The following TIMELESS variants were observed in gnomAD, a reference collection of about 807,000 sequenced individuals.
TIMELESS encodes timeless circadian regulator, also known as protein timeless homolog.
TIMELESS carries 124 observed loss-of-function variants against 164.3 expected under a neutral mutation model. That is an observed-to-expected ratio of 0.75 (90% CI 0.65 to 0.88). TIMELESS has a LOEUF of 0.88. Among genes scored for constraint, TIMELESS ranks in the 40% least tolerant of loss-of-function variants. The pLI is 0.00. For synonymous variants in TIMELESS, 564 were observed against 563.4 expected (o/e 1.00, Z -0.02); for missense variants, 1,422 against 1,491.4 (o/e 0.95, Z 0.77).
rs956027481 is a variant in TIMELESS, at chr12:56,422,295, A to G, written c.2439-104T>C. 4.7e-6 allele frequency: 5 copies of G among 1,065,370 alleles called. No individual in the cohort carries two copies. The Admixed American group carries it at 1.0e-4, about 22-fold the overall frequency. 66.0% of individuals were successfully genotyped at this position (1,065,370 alleles called of 1,614,324 possible). Reference sequence around the variant, plus strand: ...CTGAAAAGAACAGGAAGGACAAGGCAGGTAACTGAAAGAGGCCAGCCAGCA... The same window carrying G: ...CTGAAAAGAACAGGAAGGACAAGGCGGGTAACTGAAAGAGGCCAGCCAGCA... On this transcript the variant is annotated intron_variant, in intron 19 of 28. Coordinates refer to ENST00000553532, the MANE Select transcript of TIMELESS (RefSeq NM_003920.5).
In TIMELESS at chr12:56,428,400, T is replaced by C. The variant is rs1881748307; in HGVS notation, c.1414A>G (p.Ile472Val). 7 of 1,607,164 alleles carry C rather than the reference T, an allele frequency of 4.4e-6. No homozygotes were observed. Among genetic ancestry groups the C allele is most frequent in the Non-Finnish European group, 6.0e-6 (7 of 1,174,972 alleles). The change falls in exon 13 of 29, where the codon ATT (isoleucine) becomes GTT (valine). Residue 472 changes from isoleucine (I) to valine (V), a missense_variant. Transcript: ENST00000553532. ...RESSRIIKNN[I>V]FYVMEYRELF... ...TCTCGGTACTCCATCACATAGAAAATATTGTCTAGGAATGGGGAAGAGAAA... is the reference window on the plus strand; with the variant it reads ...TCTCGGTACTCCATCACATAGAAAACATTGTCTAGGAATGGGGAAGAGAAA...
intron 1 of TIMELESS, among the ~76,000 whole-genome samples, chr12:56,440,542 C>G (rs1198101822): frequency 7.2e-5 from 11 of 152,214 alleles, no homozygotes; most frequent in Non-Finnish European, 1.2e-4. Flanking sequence ...AAAATGGCAT[C>G]TAGCACTTGA....
At chr12:56,434,950 G>A (rs1236010402) in intron 1 of TIMELESS, among the ~76,000 whole-genome samples, 4 of 152,188 alleles carry the variant, frequency 2.6e-5, no homozygotes, top group African/African-American at 4.8e-5. Context: ...GCTGAGATGA[G>A]AGGACTACTT....
At chr12:56,424,398 T>C (rs923262542) in intron 15 of TIMELESS, among the ~76,000 whole-genome samples, 1 of 152,214 alleles carries the variant, frequency 6.6e-6, no homozygotes, top group African/African-American at 2.4e-5. Context: ...ATGTCTTCAA[T>C]AGGTTCTTGG....
intron 1 of TIMELESS, among the ~76,000 whole-genome samples, chr12:56,439,128 T>G (rs532059819): frequency 3.0e-4 from 36 of 119,720 alleles, no homozygotes; most frequent in African/African-American, 1.1e-3. Flanking sequence ...ATCGTGCCAC[T>G]GCACTCCAGC....
chr12:56,432,480 C>A lies in TIMELESS; in HGVS notation c.576G>T (p.Ala192=). 6.2e-7 allele frequency: 1 copy of A among 1,614,138 alleles called. No homozygotes were observed. The highest frequency in any genetic ancestry group is 8.5e-7 in the Non-Finnish European group (1 of 1,180,024). The change falls in exon 7 of 29, where the codon GCG becomes GCT. Residue 192 remains alanine (A), a synonymous_variant. Transcript: ENST00000553532. ...DASAHDQLLW[A]IHLSGLDDLL... is the part of the protein sequence containing the mutation. ...GGTCATCCAGGCCGCTGAGGTGAAT[C>A]GCCCAGAGGAGCTGGTCATGGGCAC...
chr12:56,442,695 G>C (rs1868293322), intron 1 of TIMELESS, among the ~76,000 whole-genome samples: 1 of 151,178 alleles, frequency 6.6e-6, no homozygotes. Context: ...ATGTGCTGGA[G>C]AAAACCAAAC....
At chr12:56,430,660 C>A (rs1392516877) in intron 9 of TIMELESS, among the ~76,000 whole-genome samples, 1 of 151,954 alleles carries the variant, frequency 6.6e-6, no homozygotes, top group Non-Finnish European at 1.5e-5. Flanking sequence ...AGCCATTGTA[C>A]CCAACCTTTA....
At chr12:56,435,325 C>G (rs889796922) in intron 1 of TIMELESS, among the ~76,000 whole-genome samples, 2 of 151,928 alleles carry the variant, frequency 1.3e-5, no homozygotes, top group Non-Finnish European at 2.9e-5. Flanking sequence ...TGGTACATTC[C>G]CTATCACTAT....
At position 56,421,910 on chromosome 12, in the gene TIMELESS, C is replaced by T. The variant is rs377475708; in HGVS notation, c.2631G>A (p.Lys877=). 17 of 1,614,052 alleles carry T rather than the reference C, an allele frequency of 1.1e-5. No homozygotes were observed. The highest frequency in any genetic ancestry group is 1.4e-5 in the Non-Finnish European group (17 of 1,180,036). ...LVQMGLADSV[K]DFQRKGTHIV... The stretch of plus-strand genomic sequence containing the variant: ...ATGTGCCTCTCTACCTTTGGAAGTC[C>T]TTGACACTGTCAGCCAGTCCCATCT... Residue 877 remains lysine, a synonymous_variant, in exon 21 of 29, where the codon AAG becomes AAA. Transcript: ENST00000553532.
Position 56,417,971 on chromosome 12 carries a change from T to C in TIMELESS, c.3492A>G (p.Ala1164=), listed in dbSNP as rs779113129. Residue 1164 remains alanine (A), a synonymous_variant, in exon 28 of 29, where the codon GCA becomes GCG. Coordinates refer to ENST00000553532, the MANE Select transcript of TIMELESS (RefSeq NM_003920.5). ...DAVGKEPLKA[A]PKKRQLLDSD... is the part of the protein sequence containing the mutation. ...TGTCCAGCAATTGTCGTTTCTTGGGTGCTGCCTTCAGCGGCTCTTTACCAA... is the reference window on the plus strand; with the variant it reads ...TGTCCAGCAATTGTCGTTTCTTGGGCGCTGCCTTCAGCGGCTCTTTACCAA... 11 of 1,614,114 alleles carry C rather than the reference T, an allele frequency of 6.8e-6. No homozygotes were observed. The highest frequency in any genetic ancestry group is 1.1e-5 in the South Asian group (1 of 91,088).
intron 1 of TIMELESS, among the ~76,000 whole-genome samples, chr12:56,434,644 G>A (rs1040097747): frequency 1.3e-5 from 2 of 152,218 alleles, no homozygotes; most frequent in African/African-American, 4.8e-5. Flanking sequence ...GGCTGAGGCA[G>A]GAGAGTGGCT....
intron 1 of TIMELESS, among the ~76,000 whole-genome samples, chr12:56,435,611 G>A (rs11171848): frequency 0.55 from 83,462 of 151,648 alleles, 23,700 homozygotes; most frequent in African/African-American, 0.64. Flanking sequence ...TCAGGAGTTC[G>A]AGACCAACTT....
Position 56,431,527 on chromosome 12 carries a change from C to T in TIMELESS, c.765G>A (p.Val255=), listed in dbSNP as rs774033. Residue 255 remains valine, a synonymous_variant, in exon 8 of 29, where the codon GTG becomes GTA. Coordinates refer to ENST00000553532, the MANE Select transcript of TIMELESS (RefSeq NM_003920.5). ...TTTCTGCCATCTCTCGCTGGCGCAA[C>T]ACCTCCAGTTCTGCAAAATCTGCAC... The part of the protein sequence containing the change: ...ERSADFAELE[V]LRQREMAEKK... 731,590 of 1,612,506 alleles carry T rather than the reference C, an allele frequency of 0.45. 171,672 individuals are homozygous for T. The highest frequency in any genetic ancestry group is 0.68 in the East Asian group (30,309 of 44,770).
Position 56,431,522 on chromosome 12 carries a change from C to T in TIMELESS, c.770G>A (p.Arg257His), listed in dbSNP as rs770327117. The T allele has an allele frequency of 1.4e-5, 23 of 1,613,724 alleles. No individual in the cohort carries two copies. Among genetic ancestry groups the T allele is most frequent in the East Asian group, 6.7e-5 (3 of 44,826 alleles). ...CTTCTTTTCTGCCATCTCTCGCTGG[C>T]GCAACACCTCCAGTTCTGCAAAATC... ...SADFAELEVL[R>H]QREMAEKKTR... The change falls in exon 8 of 29, where the codon CGC becomes CAC. Residue 257 changes from arginine to histidine, a missense_variant. Transcript: ENST00000553532.
chr12:56,425,098 C>T lies in TIMELESS; in HGVS notation c.1633G>A (p.Val545Ile), dbSNP rs1310054530. The T allele has an allele frequency of 1.2e-6, 2 of 1,614,148 alleles. No individual in the cohort carries two copies. Among genetic ancestry groups the T allele is most frequent in the Admixed American group, 1.7e-5 (1 of 60,026 alleles). Residue 545 changes from valine (V) to isoleucine (I), a missense_variant, in exon 14 of 29, where the codon GTT (valine) becomes ATT (isoleucine). Transcript: ENST00000553532. Reference sequence around the variant, plus strand: ...GGGCTAGATGGGACATTACCAGAAACAATGGCCTGGTCTAGGACCTTCTTC... The same window carrying T: ...GGGCTAGATGGGACATTACCAGAAATAATGGCCTGGTCTAGGACCTTCTTC... ...KKKKVLDQAI[V>I]SGNVPSSPEE... is the part of the protein sequence containing the mutation.
chr12:56,448,126 C>T (rs145606944), intron 1 of TIMELESS, among the ~76,000 whole-genome samples: 247 of 152,294 alleles, frequency 1.6e-3, no homozygotes, highest in African/African-American at 4.6e-3. Flanking sequence ...ACTAGTAGGG[C>T]CGGGTGTGGT....
intron 5 of TIMELESS, 37 bp from the exon 6 acceptor site, chr12:56,433,164 G>A (rs1304223257): frequency 5.0e-6 from 8 of 1,592,020 alleles, no homozygotes; most frequent in Non-Finnish European, 6.9e-6. Flanking sequence ...GACTCCCTGT[G>A]GAAGGCAGGC....
In TIMELESS at chr12:56,422,174, G is replaced by A. The variant is rs774467068; in HGVS notation, c.2456C>T (p.Ala819Val). 5 of 1,613,910 alleles carry A rather than the reference G, an allele frequency of 3.1e-6. No individual in the cohort carries two copies. Among genetic ancestry groups the A allele is most frequent in the African/African-American group, 2.7e-5 (2 of 74,890 alleles). Residue 819 changes from alanine to valine, a missense_variant, in exon 20 of 29, where the codon GCA becomes GTA. Ala to Val is a moderately conservative substitution (Grantham distance 64). Coordinates refer to ENST00000553532, the MANE Select transcript of TIMELESS (RefSeq NM_003920.5). ...CTCTTCTTCGGGGCTCCATGTAGGTGCTCTGCGACTGGAAGACCTGAATGG... is the reference window on the plus strand; with the variant it reads ...CTCTTCTTCGGGGCTCCATGTAGGTACTCTGCGACTGGAAGACCTGAATGG... ...SLDDRSSSRR[A>V]PTWSPEEEAH...
Sources: allele counts gnomAD v4.1 joint callset (sites outside exome capture counted in the v4.1 genomes callset), GRCh38; gene constraint gnomAD v4.1.1; transcripts MANE v1.5; gene names NCBI Gene and HGNC (gene_info 2026-07-23, HGNC 2026-07-21).